CCDC7: variants seen among roughly 807,000 people sequenced by gnomAD.
The protein encoded by CCDC7 is coiled-coil domain-containing protein 7.
CCDC7 carries 183 observed loss-of-function variants against 196.9 expected under a neutral mutation model. The observed-to-expected ratio is 0.93, with a 90% CI of 0.82 to 1.05. CCDC7 has a LOEUF of 1.05. Ranked by LOEUF, CCDC7 falls within the 50% of genes least tolerant of loss-of-function variation. The probability of loss-of-function intolerance (pLI) is 0.00; values close to 1 mark genes in which losing one functional copy is unlikely to be tolerated. For missense variants in CCDC7, 1,540 were observed against 1,482.2 expected, an observed-to-expected ratio of 1.04 and a Z score of -0.64; for synonymous variants, 525 against 484.6, an observed-to-expected ratio of 1.08 and a Z score of -1.10.
At chr10:32,689,099 C>A in exon 23 of CCDC7, 1 of 1,608,524 alleles carries the variant, frequency 6.2e-7, no homozygotes, top group African/African-American at 1.3e-5. Flanking sequence ...GGCATCAAGA[C>A]TCAATGTCAA....
intron 28 of CCDC7, among the ~76,000 whole-genome samples, chr10:32,732,046 G>A (rs1592144984): frequency 6.6e-6 from 1 of 152,072 alleles, no homozygotes; most frequent in African/African-American, 2.4e-5. Flanking sequence ...GTTAGACTCC[G>A]TCTCAAAAAA....
chr10:32,837,216 A>G (rs138765057), intron 33 of CCDC7, among the ~76,000 whole-genome samples: 5,897 of 152,290 alleles, frequency 0.039, 122 homozygotes, highest in Middle Eastern at 0.051. Context: ...AAGAACGCAA[A>G]CAAATTTACA....
intron 24 of CCDC7, among the ~76,000 whole-genome samples, chr10:32,702,738 CTCT>C (rs992892763): frequency 1.3e-5 from 2 of 152,280 alleles, no homozygotes; most frequent in African/African-American, 2.4e-5. Flanking sequence ...GGATAGTTAG[CTCT>C]TCTTGTTGAT....
intron 41 of CCDC7, among the ~76,000 whole-genome samples, chr10:32,865,402 TACACACACACAC>T (rs57916933): frequency 3.4e-5 from 5 of 148,830 alleles, no homozygotes; most frequent in South Asian, 4.3e-4. Context: ...ACTCCTATTA[TACACACACACAC>T]ACACACACAC....
chr10:32,523,588 T>C (rs192362856), intron 11 of CCDC7, among the ~76,000 whole-genome samples: 3 of 152,130 alleles, frequency 2.0e-5, no homozygotes, highest in Admixed American at 1.3e-4. Flanking sequence ...AGTCTCCAGC[T>C]ATTATTGTAT....
intron 5 of CCDC7, among the ~76,000 whole-genome samples, chr10:32,464,207 A>G (rs2036286293): frequency 6.6e-6 from 1 of 152,134 alleles, no homozygotes; most frequent in Non-Finnish European, 1.5e-5. Context: ...TAACTAAATT[A>G]CTTTTTAAAA....
intron 31 of CCDC7, among the ~76,000 whole-genome samples, chr10:32,817,183 G>A (rs111591516): frequency 1.9e-4 from 29 of 152,170 alleles, no homozygotes; most frequent in African/African-American, 5.8e-4. Context: ...AGAAGTACGC[G>A]ACGTATGCAC....
chr10:32,597,481 G>A (rs1370392379), intron 18 of CCDC7, among the ~76,000 whole-genome samples: 6 of 151,994 alleles, frequency 3.9e-5, no homozygotes, highest in South Asian at 4.1e-4. Flanking sequence ...CCTTTAGCTC[G>A]GAGAAGTATG....
chr10:32,631,968 C>G (rs1269380189), intron 18 of CCDC7, among the ~76,000 whole-genome samples: 1 of 151,944 alleles, frequency 6.6e-6, no homozygotes, highest in African/African-American at 2.4e-5. Context: ...GTATATTGAT[C>G]TTATAATTTG....
At chr10:32,703,280 G>A (rs893224976) in intron 24 of CCDC7, among the ~76,000 whole-genome samples, 6 of 152,058 alleles carry the variant, frequency 3.9e-5, no homozygotes, top group African/African-American at 7.2e-5. Flanking sequence ...ATGAAGCTTA[G>A]TTTGGCTGGA....
intron 20 of CCDC7, among the ~76,000 whole-genome samples, chr10:32,650,698 A>T (rs1019787585): frequency 1.3e-5 from 2 of 151,992 alleles, no homozygotes; most frequent in Non-Finnish European, 2.9e-5. Flanking sequence ...CCAAGCACAA[A>T]TCTCAGCTCA....
chr10:32,496,993 AGAATTTGGCTGT>A lies in CCDC7; in HGVS notation c.872+5001_872+5012del, dbSNP rs548525518. 7.3e-3 allele frequency among the ~76,000 whole-genome samples: 1,106 copies of A among 152,306 alleles called. 14 individuals carry two copies. Among genetic ancestry groups the A allele is most frequent in the African/African-American group, 0.025 (1,052 of 41,574 alleles). ...ACCAGCTCCTCTTTGTACCTTTGGT[AGAATTTGGCTGT>A]GAATCCGTCTGGTCCTGGACTTTTT... On this transcript the variant is annotated intron_variant, in intron 9 of 41. Coordinates refer to ENST00000639629, the Ensembl canonical transcript of CCDC7.
intron 13 of CCDC7, among the ~76,000 whole-genome samples, chr10:32,550,551 A>G (rs1053172242): frequency 6.6e-6 from 1 of 152,066 alleles, no homozygotes; most frequent in African/African-American, 2.4e-5. Flanking sequence ...GTTGTCATAG[A>G]TGGCTTTTAT....
chr10:32,726,879 C>T (rs957410612), intron 26 of CCDC7, 47 bp downstream of exon 27: 2 of 1,136,288 alleles, frequency 1.8e-6, no homozygotes, highest in Non-Finnish European at 2.5e-6. Context: ...TAAAATTAAA[C>T]TTATCAGAAG....
Position 32,533,276 on chromosome 10 carries a change from C to CACAA in CCDC7, c.994-10023_994-10020dup, listed in dbSNP as rs1186749066. ...ACACACACACACACACACACACACA[C>CACAA]ACAATTCTACACTTTAACTTCTCCC... On this transcript the variant is annotated intron_variant, in intron 11 of 41. Transcript: ENST00000639629. 9.2e-5 allele frequency among the ~76,000 whole-genome samples: 14 copies of CACAA among 151,478 alleles called. No homozygotes were observed. In the East Asian group the frequency reaches 2.7e-3, roughly 29 times the overall value.
intron 11 of CCDC7, 68 bp from the exon 13 acceptor site, chr10:32,543,232 T>C (rs1162189102): frequency 8.1e-7 from 1 of 1,240,900 alleles, no homozygotes; most frequent in Admixed American, 3.9e-5. Context: ...ATAATGTATA[T>C]TATCATATCT....
intron 9 of CCDC7, among the ~76,000 whole-genome samples, chr10:32,516,484 C>T (rs2047055852): frequency 6.6e-6 from 1 of 152,090 alleles, no homozygotes; most frequent in Non-Finnish European, 1.5e-5. Context: ...GATGGGGTTT[C>T]ACCATGTTGG....
intron 16 of CCDC7, among the ~76,000 whole-genome samples, chr10:32,578,285 C>G (rs1401394031): frequency 1.3e-5 from 2 of 151,948 alleles, no homozygotes. Context: ...AGTTTCCTGC[C>G]TTTTTAGCAC....
intron 29 of CCDC7, among the ~76,000 whole-genome samples, chr10:32,782,254 T>C (rs1467833020): frequency 6.6e-6 from 1 of 151,892 alleles, no homozygotes. Flanking sequence ...TTTTTGAGAT[T>C]GAGTCTTCCT....
Sources: gnomAD v4.1 joint callset for allele counts (sites outside exome capture counted in the v4.1 genomes callset) on GRCh38, gnomAD v4.1.1 for gene constraint, MANE v1.5 for transcripts, NCBI Gene and HGNC (gene_info 2026-07-23, HGNC 2026-07-21) for gene names.